Variants in TARS1 observed in about 807,000 individuals in gnomAD.
TARS1 encodes the protein threonyl-tRNA synthetase 1, also known as threonine--tRNA ligase 1, cytoplasmic.
Under a neutral mutation model 97.7 loss-of-function variants are expected in TARS1, and 57 were observed. The observed-to-expected ratio is 0.58, with a 90% CI of 0.47 to 0.73. The LOEUF (loss-of-function observed/expected upper bound fraction) is 0.73, where lower values mean the gene tolerates loss of function less well. TARS1 is among the 30% of genes least tolerant of loss of function. The pLI, the probability that TARS1 is intolerant of heterozygous loss-of-function variation, is 0.00. For synonymous variants in TARS1, 312 were observed against 293.7 expected, an observed-to-expected ratio of 1.06 and a Z score of -0.64; for missense variants, 806 against 888.3, an observed-to-expected ratio of 0.91 and a Z score of 1.18.
At chr5:33,457,156 A>G in intron 8 of TARS1, 101 bp from the exon 9 acceptor site, 1 of 1,376,698 alleles carries the variant, frequency 7.3e-7, no homozygotes, top group South Asian at 1.4e-5. Flanking sequence ...GTGCTGCAGA[A>G]TGAGTAACTA....
intron 1 of TARS1, among the ~76,000 whole-genome samples, chr5:33,443,837 C>G (rs1231411004): frequency 2.0e-5 from 3 of 152,160 alleles, no homozygotes; most frequent in Admixed American, 6.5e-5. Context: ...AGTTACATCA[C>G]TTCTGCAGTA....
At chr5:33,441,314 T>A in intron 1 of TARS1, 171 bp downstream of exon 1, 1 of 685,872 alleles carries the variant, frequency 1.5e-6, no homozygotes, top group Non-Finnish European at 2.5e-6. Context: ...TTGGGAACCA[T>A]CCATTCATAA....
At position 33,461,975 on chromosome 5, in the gene TARS1, T is replaced by C; in HGVS notation, c.1699T>C (p.Leu567=). 6.8e-6 allele frequency: 11 copies of C among 1,614,064 alleles called. No individual in the cohort carries two copies. Among genetic ancestry groups the C allele is most frequent in the Non-Finnish European group, 8.5e-6 (10 of 1,179,936 alleles). Residue 567 remains leucine, a synonymous_variant, in exon 15 of 19, where the codon TTG becomes CTG. Coordinates refer to ENST00000265112, the MANE Select transcript of TARS1 (RefSeq NM_152295.5). The stretch of plus-strand genomic sequence containing the variant: ...TGCAACCATCCAGCTGGATTTCCAG[T>C]TGCCCATCAGATTTAATCTTACTTA... ...QCATIQLDFQ[L]PIRFNLTYVS... is the part of the protein sequence containing the mutation.
chr5:33,458,423 G>A, intron 9 of TARS1, 143 bp from the exon 10 acceptor site: 1 of 578,790 alleles, frequency 1.7e-6, no homozygotes, highest in Middle Eastern at 3.4e-4. Flanking sequence ...CACTGACATG[G>A]TTTCTTTGAT....
intron 4 of TARS1, among the ~76,000 whole-genome samples, chr5:33,454,216 T>C (rs909548208): frequency 1.3e-5 from 2 of 152,230 alleles, no homozygotes; most frequent in Non-Finnish European, 2.9e-5. Context: ...CTGTGTATCA[T>C]ATAAGGGGAG....
rs953079970 is a variant in TARS1, at chr5:33,449,699, T to C, written c.329+968T>C. Among the ~76,000 whole-genome samples the C allele has an allele frequency of 5.9e-5, 9 of 151,964 alleles. No homozygotes were observed. In the East Asian group the frequency reaches 1.5e-3, roughly 26 times the overall value. On this transcript the variant is annotated intron_variant, in intron 3 of 18. Coordinates refer to ENST00000265112, the MANE Select transcript of TARS1 (RefSeq NM_152295.5). ...CTCGATCTCCTGACCTTGTGATCCG[T>C]CCGCCTCGGCCTCCCAAAGTGCTGG...
Position 33,445,362 on chromosome 5 carries a change from A to G in TARS1, c.96A>G (p.Lys32=). ...AAGAGAAGCAAAAGGAAGGAGGCAA[A>G]AAGAAGAACAAAGAAGGATCTGGAG... The part of the protein sequence containing the change: ...AGEEKQKEGG[K]KKNKEGSGDG... Residue 32 remains lysine, a synonymous_variant, in exon 2 of 19, where the codon AAA becomes AAG. Transcript: ENST00000265112. 1 of 1,613,342 alleles carries G rather than the reference A, an allele frequency of 6.2e-7. No individual in the cohort carries two copies. Among genetic ancestry groups the G allele is most frequent in the Non-Finnish European group, 8.5e-7 (1 of 1,179,488 alleles).
At chr5:33,453,245 T>G in intron 3 of TARS1, 44 bp from the exon 4 acceptor site, 1 of 1,523,960 alleles carries the variant, frequency 6.6e-7, no homozygotes, top group African/African-American at 1.4e-5. Flanking sequence ...GATTCGTGTG[T>G]ACTTATATAT....
At chr5:33,442,112 G>T (rs1016874465) in intron 1 of TARS1, among the ~76,000 whole-genome samples, 2 of 152,174 alleles carry the variant, frequency 1.3e-5, no homozygotes, top group African/African-American at 4.8e-5. Flanking sequence ...GAGAAGTGGT[G>T]ACGTCTTCAG....
In TARS1 at chr5:33,456,223, A is replaced by T. The variant is rs148961376; in HGVS notation, c.833A>T (p.His278Leu). 3.0e-5 allele frequency: 48 copies of T among 1,610,646 alleles called. No homozygotes were observed. In the East Asian group the frequency reaches 8.7e-4, roughly 29 times the overall value. The change falls in exon 8 of 19, where the codon CAC (histidine) becomes CTC (leucine). Residue 278 changes from histidine to leucine, a missense_variant. His to Leu is a moderately conservative substitution (Grantham distance 99). Transcript: ENST00000265112. ...GGCAAAATTAAGGCTTTAAAAATACACAAAGTAAGTAATGTAACTTTAAAG... is the reference window on the plus strand; with the variant it reads ...GGCAAAATTAAGGCTTTAAAAATACTCAAAGTAAGTAATGTAACTTTAAAG... ...HTGKIKALKI[H>L]KNSSTYWEGK...
rs1561074925 is a variant in TARS1, at chr5:33,457,243, AT to A, written c.838-13del. On this transcript the variant is annotated splice_polypyrimidine_tract_variant and intron_variant, in intron 8 of 18. Transcript: ENST00000265112. ...AAATTTGAATGTTGTTTCATGGTTA[AT>A]CCTTGTTTTCAGAATTCCTCCACGT... 3 of 1,610,022 alleles carry A rather than the reference AT, an allele frequency of 1.9e-6. No homozygotes were observed. The highest frequency in any genetic ancestry group is 2.5e-6 in the Non-Finnish European group (3 of 1,178,246).
At chr5:33,448,305 A>G (rs1429196270) in intron 2 of TARS1, among the ~76,000 whole-genome samples, 1 of 152,250 alleles carries the variant, frequency 6.6e-6, no homozygotes, top group African/African-American at 2.4e-5. Context: ...CTTGCTGTAA[A>G]TAGTAGCAAA....
intron 8 of TARS1, 99 bp downstream of exon 8, chr5:33,456,326 G>C: frequency 1.0e-6 from 1 of 960,722 alleles, no homozygotes; most frequent in South Asian, 1.6e-5. Flanking sequence ...TGTTGCACAT[G>C]AAAGGATGGT....
chr5:33,445,851 AG>A (rs1316196949), intron 2 of TARS1, among the ~76,000 whole-genome samples: 2 of 152,154 alleles, frequency 1.3e-5, no homozygotes, highest in Non-Finnish European at 2.9e-5. Context: ...GACCTGCCCT[AG>A]GGTTGGCTTC....
intron 18 of TARS1, 99 bp downstream of exon 18, chr5:33,467,084 T>C (rs1207691955): frequency 1.9e-6 from 1 of 527,666 alleles, no homozygotes; most frequent in East Asian, 3.7e-5. Flanking sequence ...AGAATTTATT[T>C]AGTTCCTTCC....
In TARS1 at chr5:33,443,235, C is replaced by T. The variant is rs1432924978; in HGVS notation, c.58-2089C>T. Among the ~76,000 whole-genome samples the T allele has an allele frequency of 2.1e-4, 31 of 149,984 alleles. No homozygotes were observed. The Admixed American group carries it at 2.1e-3, about 10-fold the overall frequency. On this transcript the variant is annotated intron_variant, in intron 1 of 18. Transcript: ENST00000265112. ...CTTAATGATACAAATGGGCAAGTTACTTCTTTGAGCCAGTGTTCTTGTTTG... is the reference window on the plus strand; with the variant it reads ...CTTAATGATACAAATGGGCAAGTTATTTCTTTGAGCCAGTGTTCTTGTTTG...
Position 33,441,034 on chromosome 5 carries a change from C to G in TARS1, c.-53C>G. On this transcript the variant is annotated 5_prime_UTR_variant, in exon 1 of 19. Transcript: ENST00000265112. ...CCCACCTCCCACCCGCCTCTTGGCT[C>G]CTCTCCTCTAGGCCGTCGCTTTCGG... is the stretch of plus-strand genomic sequence containing the variant. The G allele has an allele frequency of 1.9e-6, 3 of 1,612,476 alleles. No homozygotes were observed. Among genetic ancestry groups the G allele is most frequent in the South Asian group, 1.1e-5 (1 of 91,014 alleles).
chr5:33,463,655 T>A, intron 16 of TARS1, 98 bp from the exon 17 acceptor site: 1 of 1,068,090 alleles, frequency 9.4e-7, no homozygotes, highest in Non-Finnish European at 1.4e-6. Context: ...CGTTACATGT[T>A]CCAGGAAAAG....
intron 9 of TARS1, 31 bp from the exon 10 acceptor site, chr5:33,458,535 A>T (rs745926430): frequency 1.3e-6 from 2 of 1,587,342 alleles, no homozygotes; most frequent in Non-Finnish European, 1.7e-6. Context: ...CGTGACGTAC[A>T]TAAACATTCT....
Sources: gnomAD v4.1 joint callset for allele counts (sites outside exome capture counted in the v4.1 genomes callset) on GRCh38, gnomAD v4.1.1 for gene constraint, MANE v1.5 for transcripts, NCBI Gene and HGNC (gene_info 2026-07-23, HGNC 2026-07-21) for gene names.